SDCBP: variants seen among roughly 807,000 people sequenced by gnomAD.
The protein encoded by SDCBP is syndecan binding protein.
Under a neutral mutation model 30.5 loss-of-function variants are expected in SDCBP, and 22 were observed. That is an observed-to-expected ratio of 0.72 (90% confidence interval 0.52 to 1.03). The LOEUF (loss-of-function observed/expected upper bound fraction) is 1.03. Ranked by LOEUF, SDCBP falls within the 50% of genes least tolerant of loss-of-function variation. The pLI, the probability that SDCBP is intolerant of heterozygous loss-of-function variation, is 0.00. For missense variants in SDCBP, 304 were observed against 369.9 expected (o/e 0.82, Z 1.46); for synonymous variants, 103 against 118.7 (o/e 0.87, Z 0.86).
At chr8:58,557,547 G>A (rs920496120) in intron 1 of SDCBP, among the ~76,000 whole-genome samples, 5 of 148,612 alleles carry the variant, frequency 3.4e-5, no homozygotes, top group East Asian at 3.9e-4. Flanking sequence ...GAAAAAGTCC[G>A]AAACTATCCC....
intron 2 of SDCBP, among the ~76,000 whole-genome samples, chr8:58,567,066 C>T (rs983639805): frequency 1.3e-5 from 2 of 152,156 alleles, no homozygotes; most frequent in African/African-American, 4.8e-5. Context: ...CATGTTTTTT[C>T]CACATCCTTT....
rs190054415 is a variant in SDCBP at position 58,560,056 on chromosome 8, C to T, written c.-15-4963C>T. The stretch of plus-strand genomic sequence containing the variant: ...TCTGACAGGAAAGGGCACCAGGTTG[C>T]GGGGTCATTGAAAACAAAGTTGACA... On this transcript the variant is annotated intron_variant, in intron 1 of 8. Coordinates refer to ENST00000260130, the MANE Select transcript of SDCBP (RefSeq NM_005625.4). 7.2e-3 allele frequency among the ~76,000 whole-genome samples: 1,089 copies of T among 150,966 alleles called. 3 individuals are homozygous for T. The highest frequency in any genetic ancestry group is 0.01 in the Non-Finnish European group (678 of 67,548).
At chr8:58,564,588 T>C (rs1287786675) in intron 1 of SDCBP, among the ~76,000 whole-genome samples, 1 of 152,242 alleles carries the variant, frequency 6.6e-6, no homozygotes, top group Non-Finnish European at 1.5e-5. Context: ...TGATACTGCA[T>C]ATGATCTGCT....
At chr8:58,562,056 GA>G (rs1804468005) in intron 1 of SDCBP, among the ~76,000 whole-genome samples, 1 of 149,772 alleles carries the variant, frequency 6.7e-6, no homozygotes, top group African/African-American at 2.5e-5. Context: ...CACAAATAAG[GA>G]ATCAAAGCAT....
chr8:58,565,358 T>A (rs1804650880), intron 2 of SDCBP, among the ~76,000 whole-genome samples: 1 of 152,070 alleles, frequency 6.6e-6, no homozygotes. Flanking sequence ...ATGTAACATA[T>A]TTGAGTTGAC....
At chr8:58,558,386 GTCC>G (rs1804266074) in intron 1 of SDCBP, among the ~76,000 whole-genome samples, 3 of 152,024 alleles carry the variant, frequency 2.0e-5, no homozygotes, top group African/African-American at 7.2e-5. Context: ...TGCTCAAGTG[GTCC>G]TCCTACCTCA....
chr8:58,577,285 A>C (rs1051361013), intron 5 of SDCBP, among the ~76,000 whole-genome samples: 1 of 152,222 alleles, frequency 6.6e-6, no homozygotes, highest in African/African-American at 2.4e-5. Flanking sequence ...AAGTAGATGC[A>C]CTTATATTTT....
At chr8:58,554,565 T>C (rs1254743280) in intron 1 of SDCBP, among the ~76,000 whole-genome samples, 2 of 152,192 alleles carry the variant, frequency 1.3e-5, no homozygotes, top group African/African-American at 2.4e-5. Flanking sequence ...TTTGGAGACA[T>C]TAACTTTTAG....
rs1470286861 is a variant in SDCBP, at chr8:58,554,617, T to C, written c.-16+1314T>C. Among the ~76,000 whole-genome samples the C allele has an allele frequency of 2.0e-5, 3 of 152,294 alleles. No homozygotes were observed. The East Asian group carries it at 5.8e-4, about 29-fold the overall frequency. On this transcript the variant is annotated intron_variant, in intron 1 of 8. Transcript: ENST00000260130. ...AAAAGATGTAAAAAGGGGAAAAAGA[T>C]GAACAAAAGGGGAAGAATTTGCTAA...
chr8:58,559,972 A>G (rs902322052), intron 1 of SDCBP, among the ~76,000 whole-genome samples: 11 of 152,310 alleles, frequency 7.2e-5, no homozygotes, highest in Admixed American at 7.2e-4. Context: ...TCTGTGTGAC[A>G]TTCAGATTTT....
intron 7 of SDCBP, 128 bp from the exon 8 acceptor site, chr8:58,580,389 A>ACT: frequency 3.4e-6 from 2 of 594,838 alleles, no homozygotes; most frequent in Non-Finnish European, 3.0e-6. Context: ...TAAACTTGGT[A>ACT]AGAAATACTA....
rs974926515 is a variant in SDCBP at position 58,553,295 on chromosome 8, G to A, written c.-24G>A. On this transcript the variant is annotated 5_prime_UTR_variant, in exon 1 of 9. In the 5' UTR this introduces an upstream ATG that the reference lacks. Coordinates refer to ENST00000260130, the MANE Select transcript of SDCBP (RefSeq NM_005625.4). ...AGGCGGCGGCGGCGAGCGGTTCCTT[G>A]TGGGCTAGGTGAGAGGCCAAGGGGG... The A allele has an allele frequency of 6.5e-6, 1 of 154,366 alleles. No homozygotes were observed. The highest frequency in any genetic ancestry group is 1.4e-5 in the Non-Finnish European group (1 of 69,836). The allele number at this position is 154,366 out of a possible 1,614,324, so 9.6% of individuals were successfully genotyped here.
At chr8:58,564,484 T>C (rs1224998617) in intron 1 of SDCBP, among the ~76,000 whole-genome samples, 2 of 152,250 alleles carry the variant, frequency 1.3e-5, no homozygotes, top group African/African-American at 2.4e-5. Context: ...TTACCATCTG[T>C]CTTCTGAAGA....
chr8:58,573,991 A>G (rs950561812), intron 4 of SDCBP, among the ~76,000 whole-genome samples: 4 of 152,240 alleles, frequency 2.6e-5, no homozygotes, highest in African/African-American at 7.2e-5. Flanking sequence ...TAAATACCTT[A>G]GGCTTTCATG....
chr8:58,565,901 C>G (rs184160729), intron 2 of SDCBP, among the ~76,000 whole-genome samples: 1 of 152,202 alleles, frequency 6.6e-6, no homozygotes, highest in East Asian at 1.9e-4. Context: ...ACTCCTTACC[C>G]TGAAGATCAT....
intron 1 of SDCBP, among the ~76,000 whole-genome samples, chr8:58,562,027 C>T (rs1804465923): frequency 6.7e-6 from 1 of 150,134 alleles, no homozygotes; most frequent in Non-Finnish European, 1.5e-5. Context: ...AAAGAAAATA[C>T]CTATAGAAAA....
rs776696888 is a variant in SDCBP at position 58,565,048 on chromosome 8, A to G, written c.15A>G (p.Pro5=). Reference sequence around the variant, plus strand: ...ATCCTGCAAAAATGTCTCTCTATCCATCTCTCGAAGACTTGAAGGTAGACA... The same window carrying G: ...ATCCTGCAAAAATGTCTCTCTATCCGTCTCTCGAAGACTTGAAGGTAGACA... MSLY[P]SLEDLKVDKV... Residue 5 remains proline (P), a synonymous_variant, in exon 2 of 9, where the codon CCA becomes CCG. Coordinates refer to ENST00000260130, the MANE Select transcript of SDCBP (RefSeq NM_005625.4). 16 of 1,591,128 alleles carry G rather than the reference A, an allele frequency of 1.0e-5. No individual in the cohort carries two copies. Among genetic ancestry groups the G allele is most frequent in the African/African-American group, 6.8e-5 (5 of 73,802 alleles).
chr8:58,572,165 A>G lies in SDCBP; in HGVS notation c.131-40A>G, dbSNP rs763969900. On this transcript the variant is annotated intron_variant, in intron 3 of 8. Coordinates refer to ENST00000260130, the MANE Select transcript of SDCBP (RefSeq NM_005625.4). ...AATGAGAGAAGTTTTCATTTTGTGT[A>G]TTCTGTAAGTGCTTTTTAATTTATT... 11 of 1,215,010 alleles carry G rather than the reference A, an allele frequency of 9.1e-6. No homozygotes were observed. The South Asian group carries it at 1.2e-4, about 13-fold the overall frequency. 75.3% of individuals were successfully genotyped at this position (1,215,010 alleles called of 1,614,324 possible).
In SDCBP at chr8:58,554,822, G is replaced by A. The variant is rs1191198246; in HGVS notation, c.-16+1519G>A. Among the ~76,000 whole-genome samples the A allele has an allele frequency of 2.0e-5, 3 of 152,252 alleles. No homozygotes were observed. The South Asian group carries it at 6.2e-4, about 32-fold the overall frequency. On this transcript the variant is annotated intron_variant, in intron 1 of 8. Coordinates refer to ENST00000260130, the MANE Select transcript of SDCBP (RefSeq NM_005625.4). ...ACTTTCTACTTTTAGCAATAGTTACGTTAGCATTTATTAATTTCTTTTCAA... is the reference window on the plus strand; with the variant it reads ...ACTTTCTACTTTTAGCAATAGTTACATTAGCATTTATTAATTTCTTTTCAA...
Sources: gnomAD v4.1 joint callset for allele counts (sites outside exome capture counted in the v4.1 genomes callset) on GRCh38, gnomAD v4.1.1 for gene constraint, MANE v1.5 for transcripts, NCBI Gene and HGNC (gene_info 2026-07-23, HGNC 2026-07-21) for gene names.